The following F5 variants were observed in gnomAD, a reference collection of about 807,000 sequenced individuals.
F5 encodes coagulation factor V.
F5 carries 138 observed loss-of-function variants against 216.4 expected under a neutral mutation model. That is an observed-to-expected ratio of 0.64 (90% CI 0.56 to 0.73). The LOEUF is 0.73. F5 is among the 30% of genes least tolerant of loss of function. F5 has a pLI of 0.00. For synonymous variants in F5, 916 were observed against 930.7 expected (o/e 0.98, Z 0.29); for missense variants, 2,403 against 2,674.0 (o/e 0.90, Z 2.24).
intron 16 of F5, 64 bp downstream of exon 16, chr1:169,529,544 G>C: frequency 7.1e-7 from 1 of 1,409,178 alleles, no homozygotes. Context: ...ATATCTAAGG[G>C]CAGAAATCAC....
In F5 at chr1:169,586,464, GGCTGTCCCA is replaced by G; in HGVS notation, c.-87_-79del. The G allele has an allele frequency of 6.5e-7, 1 of 1,549,716 alleles. No individual in the cohort carries two copies. The highest frequency in any genetic ancestry group is 8.7e-7 in the Non-Finnish European group (1 of 1,151,386). On this transcript the variant is annotated 5_prime_UTR_variant, in exon 1 of 25. Transcript: ENST00000367797. Reference sequence around the variant, plus strand: ...TTGCCGAGCTGCTAACCACACTCCGGGCTGTCCCAGCTGCAATGAGCTCTAGAGGCTGTG... The same window carrying G: ...TTGCCGAGCTGCTAACCACACTCCGGGCTGCAATGAGCTCTAGAGGCTGTG...
chr1:169,520,012 A>C (rs1659257257), intron 22 of F5, among the ~76,000 whole-genome samples: 1 of 152,228 alleles, frequency 6.6e-6, no homozygotes, highest in Admixed American at 6.5e-5. Flanking sequence ...GCTAACATAG[A>C]AAAGACTTGA....
intron 19 of F5, 108 bp from the exon 20 acceptor site, chr1:169,524,012 G>A: frequency 1.1e-6 from 1 of 894,928 alleles, no homozygotes; most frequent in East Asian, 2.5e-5. Flanking sequence ...GACCTGTGTT[G>A]TAGTCAGGAG....
At chr1:169,545,500 T>C (rs908477528) in intron 11 of F5, among the ~76,000 whole-genome samples, 1 of 152,252 alleles carries the variant, frequency 6.6e-6, no homozygotes, top group Non-Finnish European at 1.5e-5. Flanking sequence ...TATTTCTCTT[T>C]ACTTTTTAAT....
intron 8 of F5, 50 bp from the exon 9 acceptor site, chr1:169,550,789 AATAAT>A (rs1322389912): frequency 7.4e-7 from 1 of 1,352,532 alleles, no homozygotes; most frequent in African/African-American, 1.4e-5. Flanking sequence ...GATCATGACA[AATAAT>A]ATAAGATACT....
intron 2 of F5, among the ~76,000 whole-genome samples, chr1:169,574,145 A>G (rs1056830273): frequency 2.6e-5 from 4 of 152,220 alleles, no homozygotes; most frequent in Non-Finnish European, 4.4e-5. Context: ...GAAATTTTAT[A>G]TAAGGGACTT....
chr1:169,561,056 G>T (rs1660473273), intron 3 of F5, among the ~76,000 whole-genome samples: 1 of 152,128 alleles, frequency 6.6e-6, no homozygotes, highest in Admixed American at 6.6e-5. Flanking sequence ...TATAATCAGA[G>T]AATTGAATCG....
At chr1:169,543,155 G>T (rs1265539221) in intron 12 of F5, 41 bp from the exon 13 acceptor site, 1 of 1,574,338 alleles carries the variant, frequency 6.4e-7, no homozygotes. Context: ...CTGGAAGTCT[G>T]GGAAAAGACA....
chr1:169,549,997 A>C lies in F5; in HGVS notation c.1415T>G (p.Ile472Ser). ...SFTSGRNNTM[I>S]RAVQPGETYT... ...GGTTTCCCCTGGTTGAACTGCTCTG[A>C]TCATGGTGTTGTTCCTGCCTGAAAG... The change falls in exon 10 of 25, where the codon ATC (isoleucine) becomes AGC (serine). Residue 472 changes from isoleucine (I) to serine (S), a missense_variant. This residue lies in a region of F5 where 1,425 missense variants were observed against 1,554.8 expected (regional missense o/e 0.92). Transcript: ENST00000367797. 6.2e-7 allele frequency: 1 copy of C among 1,614,040 alleles called. No individual in the cohort carries two copies. The highest frequency in any genetic ancestry group is 8.5e-7 in the Non-Finnish European group (1 of 1,179,956).
chr1:169,515,942 A>G (rs1659146664), intron 23 of F5, among the ~76,000 whole-genome samples: 1 of 152,162 alleles, frequency 6.6e-6, no homozygotes, highest in Non-Finnish European at 1.5e-5. Context: ...TTGGTGTTCA[A>G]TAAATAGTTG....
In F5 at chr1:169,529,672, T is replaced by G; in HGVS notation, c.5355A>C (p.Glu1785Asp). ...TFDEKKSWYYEKKSRSSWRLT... is the reference protein window; with the variant it reads ...TFDEKKSWYYDKKSRSSWRLT... ...GTCTCCAAGAACTTCGGGACTTCTT[T>G]TCATAGTACCAGCTCTTCTTTTCAT... The change falls in exon 16 of 25, where the codon GAA becomes GAC. Residue 1785 changes from glutamate to aspartate, a missense_variant. Coordinates refer to ENST00000367797, the MANE Select transcript of F5 (RefSeq NM_000130.5). 6.2e-7 allele frequency: 1 copy of G among 1,613,904 alleles called. No individual in the cohort carries two copies. The highest frequency in any genetic ancestry group is 8.5e-7 in the Non-Finnish European group (1 of 1,179,852).
chr1:169,536,768 T>A, intron 13 of F5, 88 bp from the exon 14 acceptor site: 1 of 1,042,720 alleles, frequency 9.6e-7, no homozygotes, highest in Non-Finnish European at 1.5e-6. Flanking sequence ...ATATAGCATC[T>A]AGCATAGAGA....
In F5 at chr1:169,541,765, C is replaced by T. The variant is rs148594463; in HGVS notation, c.3325G>A (p.Gly1109Ser). The T allele has an allele frequency of 3.9e-5, 63 of 1,613,822 alleles. No individual in the cohort carries two copies. The highest frequency in any genetic ancestry group is 5.3e-5 in the Non-Finnish European group (63 of 1,179,978). The part of the protein sequence containing the change: ...DHNQNSSNDT[G>S]QASCPPGLYQ... ...AGACCTGGAGGACAGCTTGCCTGAC[C>T]AGTGTCATTTGAGGAATTCTGATTA... Residue 1109 changes from glycine to serine, a missense_variant, in exon 13 of 25, where the codon GGT becomes AGT. Transcript: ENST00000367797.
intron 8 of F5, among the ~76,000 whole-genome samples, chr1:169,551,064 T>C (rs1660156221): frequency 6.6e-6 from 1 of 152,196 alleles, no homozygotes; most frequent in Non-Finnish European, 1.5e-5. Context: ...TCTTTTCAGC[T>C]TGGGCCACAT....
intron 3 of F5, among the ~76,000 whole-genome samples, chr1:169,565,333 T>A (rs1660573755): frequency 6.6e-6 from 1 of 152,124 alleles, no homozygotes; most frequent in East Asian, 1.9e-4. Context: ...CACATTTTGG[T>A]CACCCAAGTG....
chr1:169,561,304 G>T (rs1468200377), intron 3 of F5, among the ~76,000 whole-genome samples: 1 of 151,786 alleles, frequency 6.6e-6, no homozygotes, highest in African/African-American at 2.4e-5. Context: ...GAGCCACAGC[G>T]TCTAACTCCC....
At chr1:169,527,499 A>G (rs1161378076) in intron 17 of F5, among the ~76,000 whole-genome samples, 1 of 152,150 alleles carries the variant, frequency 6.6e-6, no homozygotes, top group Non-Finnish European at 1.5e-5. Flanking sequence ...TCCTGGAGTC[A>G]CTTGCCCAAA....
chr1:169,540,879 G>A lies in F5; in HGVS notation c.4211C>T (p.Pro1404Leu). The A allele has an allele frequency of 6.2e-7, 1 of 1,611,480 alleles. No homozygotes were observed. The highest frequency in any genetic ancestry group is 1.1e-5 in the South Asian group (1 of 90,762). Reference sequence around the variant, plus strand: ...AGAAAGTGTCATCTGGTCGAGGTCTGGGGTAAGGGGAATTTGACTGAGATC... The same window carrying A: ...AGAAAGTGTCATCTGGTCGAGGTCTAGGGTAAGGGGAATTTGACTGAGATC... ...FADLSQIPLT[P>L]DLDQMTLSPD... Residue 1404 changes from proline (P) to leucine (L), a missense_variant, in exon 13 of 25, where the codon CCA (proline) becomes CTA (leucine). This residue lies in a region of F5 where 293 missense variants were observed against 270.8 expected (regional missense o/e 1.08). Coordinates refer to ENST00000367797, the MANE Select transcript of F5 (RefSeq NM_000130.5).
rs9332693 is a variant in F5 at position 169,550,066 on chromosome 1, A to G, written c.1397-51T>C. The G allele has an allele frequency of 0.023, 31,493 of 1,359,630 alleles. 473 individuals carry two copies. The highest frequency in any genetic ancestry group is 0.027 in the Non-Finnish European group (25,549 of 951,388). 84.2% of individuals were successfully genotyped at this position (1,359,630 alleles called of 1,614,324 possible). On this transcript the variant is annotated intron_variant, in intron 9 of 24. Transcript: ENST00000367797. ...TTTTCATTTGCAAAGTTATTTCATG[A>G]TAATAAATAAATAAATAAGCTTTCG...
Sources: allele counts gnomAD v4.1 joint callset (sites outside exome capture counted in the v4.1 genomes callset), GRCh38; gene constraint gnomAD v4.1.1; regional missense constraint gnomAD v4.1.1; transcripts MANE v1.5; gene names NCBI Gene and HGNC (gene_info 2026-07-23, HGNC 2026-07-21).